TAOK3: variants seen among roughly 807,000 people sequenced by gnomAD.
The protein encoded by TAOK3 is serine/threonine-protein kinase TAO3.
TAOK3 carries 40 observed loss-of-function variants against 120.4 expected under a neutral mutation model. The observed-to-expected ratio is 0.33, with a 90% CI of 0.26 to 0.43. The LOEUF (loss-of-function observed/expected upper bound fraction) is 0.43, where lower values mean the gene tolerates loss of function less well. TAOK3 is among the 20% of genes least tolerant of loss of function. TAOK3 has a pLI of 1.00. For missense variants in TAOK3, 821 were observed against 1,112.1 expected, an observed-to-expected ratio of 0.74 and a Z score of 3.72; for synonymous variants, 355 against 387.5, an observed-to-expected ratio of 0.92 and a Z score of 0.99.
intron 2 of TAOK3, among the ~76,000 whole-genome samples, chr12:118,256,843 C>T (rs1166121301): frequency 1.3e-5 from 2 of 152,034 alleles, no homozygotes; most frequent in East Asian, 3.8e-4. Context: ...GTGATGACTG[C>T]ATAACTGTGA....
Position 118,179,949 on chromosome 12 carries a change from T to G in TAOK3, c.1566+1422A>C, listed in dbSNP as rs1325570281. 4.2e-5 allele frequency among the ~76,000 whole-genome samples: 6 copies of G among 142,492 alleles called. No homozygotes were observed. In the Admixed American group the frequency reaches 4.2e-4, roughly 10 times the overall value. The allele number at this position is 142,492 out of a possible 152,430, so 93.5% of individuals were successfully genotyped here. A position where few individuals can be genotyped will look rare whatever the true frequency, so the allele number is the denominator to read the frequency against. On this transcript the variant is annotated intron_variant, in intron 15 of 20. Transcript: ENST00000392533. ...GCATGAGCCACCATGCCTGGCTGGTTTTTTTTTTTTTTTTGGAGATGAAGT... is the reference window on the plus strand; with the variant it reads ...GCATGAGCCACCATGCCTGGCTGGTGTTTTTTTTTTTTTTGGAGATGAAGT...
At position 118,152,114 on chromosome 12, in the gene TAOK3, A is replaced by G; in HGVS notation, c.2535+113T>C. ...GGGTACCAGTAGCATAAAGCAGATA[A>G]GTGAAAAGTGCCCAGTTTAATCTCT... On this transcript the variant is annotated intron_variant, in intron 20 of 20. Coordinates refer to ENST00000392533, the MANE Select transcript of TAOK3 (RefSeq NM_016281.4). 6 of 992,734 alleles carry G rather than the reference A, an allele frequency of 6.0e-6. No homozygotes were observed. In the South Asian group the frequency reaches 9.7e-5, roughly 16 times the overall value. The allele number at this position is 992,734 out of a possible 1,614,324, so 61.5% of individuals were successfully genotyped here.
intron 3 of TAOK3, chr12:118,247,082 C>A (rs1280455942): frequency 1.9e-6 from 1 of 530,744 alleles, no homozygotes; most frequent in East Asian, 3.2e-5. Flanking sequence ...ATAGAACTTT[C>A]TTTGATGATG....
intron 8 of TAOK3, 60 bp from the exon 9 acceptor site, chr12:118,233,825 A>G (rs1382968154): frequency 1.7e-6 from 2 of 1,148,894 alleles, no homozygotes; most frequent in Non-Finnish European, 2.6e-6. Flanking sequence ...TCTCCAGGAA[A>G]GTGATTCAAT....
chr12:118,349,710 TAAA>T (rs1174625082), intron 1 of TAOK3, among the ~76,000 whole-genome samples: 1 of 152,156 alleles, frequency 6.6e-6, no homozygotes, highest in African/African-American at 2.4e-5. Context: ...ACAAATATAC[TAAA>T]AACCTGAATT....
At chr12:118,336,722 A>G (rs1293911666) in intron 1 of TAOK3, among the ~76,000 whole-genome samples, 1 of 152,348 alleles carries the variant, frequency 6.6e-6, no homozygotes, top group East Asian at 1.9e-4. Context: ...TATGTAAAAA[A>G]TATCAAAAAC....
intron 2 of TAOK3, among the ~76,000 whole-genome samples, chr12:118,265,206 T>G (rs377328619): frequency 8.0e-4 from 121 of 151,532 alleles, no homozygotes; most frequent in African/African-American, 2.8e-3. Context: ...CTGGCCAACA[T>G]GGTGAAACCC....
chr12:118,218,929 G>A (rs1039147673), intron 9 of TAOK3, among the ~76,000 whole-genome samples: 1 of 152,050 alleles, frequency 6.6e-6, no homozygotes, highest in African/African-American at 2.4e-5. Context: ...CTCCAGCCTG[G>A]GTGACAGAGT....
At position 118,244,908 on chromosome 12, in the gene TAOK3, T is replaced by TC. The variant is rs761903468; in HGVS notation, c.177dup (p.Lys60GlufsTer5). 6.2e-7 allele frequency: 1 copy of TC among 1,607,934 alleles called. No homozygotes were observed. Among genetic ancestry groups the TC allele is most frequent in the Non-Finnish European group, 8.5e-7 (1 of 1,174,956 alleles). ...CTCTATCTCACCTCATGGGTCTGCT[T>TC]CCCACTATAGGACATCTTCTTAATT... On this transcript the variant is annotated frameshift_variant, in exon 4 of 21. Transcript: ENST00000392533. LOFTEE classifies it high-confidence loss of function.
At chr12:118,289,296 C>CAAAAAA (rs59297201) in intron 1 of TAOK3, among the ~76,000 whole-genome samples, 13 of 78,666 alleles carry the variant, frequency 1.7e-4, no homozygotes, top group African/African-American at 2.4e-4. Context: ...AAGACTGTCT[C>CAAAAAA]AAAAAAAAAA....
chr12:118,338,930 C>T (rs1303896418), intron 1 of TAOK3, among the ~76,000 whole-genome samples: 2 of 151,620 alleles, frequency 1.3e-5, no homozygotes, highest in African/African-American at 4.8e-5. Flanking sequence ...AGAAAAACCA[C>T]TCCAAGCAAA....
chr12:118,184,864 C>A (rs564145919), intron 14 of TAOK3, among the ~76,000 whole-genome samples: 5 of 152,186 alleles, frequency 3.3e-5, no homozygotes, highest in Non-Finnish European at 7.3e-5. Context: ...CTCTTAAAGT[C>A]TCTCAGTTTC....
intron 16 of TAOK3, among the ~76,000 whole-genome samples, chr12:118,175,263 T>C (rs1160808367): frequency 6.6e-6 from 1 of 152,156 alleles, no homozygotes; most frequent in East Asian, 1.9e-4. Context: ...CCCCCTTGGT[T>C]TCACTTCCTA....
chr12:118,164,812 T>A (rs11068854), intron 17 of TAOK3, among the ~76,000 whole-genome samples: 7,989 of 152,284 alleles, frequency 0.052, 416 homozygotes, highest in East Asian at 0.23. Context: ...TTAATAGATA[T>A]CATCGATAAC....
At chr12:118,332,202 T>C (rs2044180703) in intron 1 of TAOK3, among the ~76,000 whole-genome samples, 1 of 152,198 alleles carries the variant, frequency 6.6e-6, no homozygotes, top group Non-Finnish European at 1.5e-5. Flanking sequence ...TTATACTAAT[T>C]GTTTCTTTCT....
rs1042279170 is a variant in TAOK3 at position 118,158,653 on chromosome 12, T to C, written c.2352+1493A>G. On this transcript the variant is annotated intron_variant, in intron 19 of 20. Transcript: ENST00000392533. ...TCTCATCACCTTTTTCCTGAACTAT[T>C]ATAATGGCTTCCTAACAGGTCTCTT... is the stretch of plus-strand genomic sequence containing the variant. Among the ~76,000 whole-genome samples, 5 of 152,342 alleles carry C rather than the reference T, an allele frequency of 3.3e-5. No individual in the cohort carries two copies. In the East Asian group the frequency reaches 9.6e-4, roughly 29 times the overall value.
intron 9 of TAOK3, among the ~76,000 whole-genome samples, chr12:118,221,474 G>A: frequency 6.6e-6 from 1 of 151,986 alleles, no homozygotes; most frequent in East Asian, 1.9e-4. Flanking sequence ...TGAACCACCT[G>A]CCTCGGCCTC....
chr12:118,221,945 T>A (rs995458379), intron 9 of TAOK3, among the ~76,000 whole-genome samples: 1 of 152,128 alleles, frequency 6.6e-6, no homozygotes, highest in Non-Finnish European at 1.5e-5. Flanking sequence ...AATACATATA[T>A]TCTTAAATGA....
At chr12:118,225,487 T>A (rs1188838867) in intron 9 of TAOK3, among the ~76,000 whole-genome samples, 1 of 152,104 alleles carries the variant, frequency 6.6e-6, no homozygotes, top group East Asian at 1.9e-4. Context: ...AAAGAGATAC[T>A]TGTATGACTT....
Sources: gnomAD v4.1 joint callset for allele counts (sites outside exome capture counted in the v4.1 genomes callset) on GRCh38, gnomAD v4.1.1 for gene constraint, MANE v1.5 for transcripts, NCBI Gene and HGNC (gene_info 2026-07-23, HGNC 2026-07-21) for gene names.